The following HDAC9 variants were observed in gnomAD, a reference collection of about 807,000 sequenced individuals.
HDAC9 encodes histone deacetylase 9, also known as MEF-2 interacting transcription repressor (MITR) protein.
Under a neutral mutation model 139.4 loss-of-function variants are expected in HDAC9, and 41 were observed. That is an observed-to-expected ratio of 0.29 (90% CI 0.23 to 0.38). HDAC9 has a LOEUF of 0.38. Among genes scored for constraint, HDAC9 ranks in the 10% least tolerant of loss-of-function variants. HDAC9 has a pLI of 1.00. For missense variants in HDAC9, 1,147 were observed against 1,297.0 expected, an observed-to-expected ratio of 0.88 and a Z score of 1.78; for synonymous variants, 517 against 476.2, an observed-to-expected ratio of 1.09 and a Z score of -1.12.
intron 2 of HDAC9, among the ~76,000 whole-genome samples, chr7:18,177,851 C>G (rs1789054357): frequency 6.6e-6 from 1 of 152,034 alleles, no homozygotes; most frequent in Non-Finnish European, 1.5e-5. Context: ...ATAAAGGGCA[C>G]TTTGTGAGGA....
chr7:18,367,304 C>A (rs1337499382), intron 1 of HDAC9, among the ~76,000 whole-genome samples: 1 of 152,000 alleles, frequency 6.6e-6, no homozygotes, highest in African/African-American at 2.4e-5. Context: ...TGGGACTAGT[C>A]CTTGCAAGCA....
At chr7:18,238,849 C>G (rs1794001319) in intron 2 of HDAC9, among the ~76,000 whole-genome samples, 1 of 152,212 alleles carries the variant, frequency 6.6e-6, no homozygotes, top group South Asian at 2.1e-4. Context: ...AATTAATTGT[C>G]TGTAGCTTCC....
At chr7:18,186,300 A>G (rs770624234) in intron 2 of HDAC9, among the ~76,000 whole-genome samples, 2 of 152,238 alleles carry the variant, frequency 1.3e-5, no homozygotes, top group African/African-American at 4.8e-5. Context: ...CCTTCTTTAC[A>G]GGGACGTTTT....
rs1303157850 is a variant in HDAC9, at chr7:18,745,578, C to T, written c.1910-3427C>T. 4.1e-3 allele frequency among the ~76,000 whole-genome samples: 489 copies of T among 120,650 alleles called. 2 individuals carry two copies. Among genetic ancestry groups the T allele is most frequent in the African/African-American group, 0.015 (469 of 30,952 alleles). The allele number at this position is 120,650 out of a possible 152,430, so 79.2% of individuals were successfully genotyped here. A position where few individuals can be genotyped will look rare whatever the true frequency, so the allele number is the denominator to read the frequency against. On this transcript the variant is annotated intron_variant, in intron 13 of 25. Coordinates refer to ENST00000686413, the MANE Select transcript of HDAC9 (RefSeq NM_178425.4). ...TTTTTGAGACGGAGTCTCGGTCTGT[C>T]GCCCAGGCCGGACTGCGGACTGCAG... is the stretch of plus-strand genomic sequence containing the variant.
At chr7:18,501,858 A>G (rs1798466347) in intron 2 of HDAC9, among the ~76,000 whole-genome samples, 1 of 152,190 alleles carries the variant, frequency 6.6e-6, no homozygotes, top group African/African-American at 2.4e-5. Context: ...TGTAAGTAGT[A>G]GGTATATTAG....
intron 21 of HDAC9, among the ~76,000 whole-genome samples, chr7:18,872,321 A>G (rs1798983736): frequency 6.6e-6 from 1 of 152,174 alleles, no homozygotes. Flanking sequence ...TTGTGAATTC[A>G]GAAGTGACCT....
intron 11 of HDAC9, among the ~76,000 whole-genome samples, chr7:18,656,315 A>G (rs1317306570): frequency 2.6e-5 from 4 of 152,136 alleles, no homozygotes; most frequent in African/African-American, 9.7e-5. Context: ...GTCTCCGGTC[A>G]TGGAATAATT....
rs75945044 is a variant in HDAC9, at chr7:18,448,993, A to G, written c.-41-47269A>G. 2.1e-3 allele frequency among the ~76,000 whole-genome samples: 319 copies of G among 152,268 alleles called. 4 individuals are homozygous for G. In the East Asian group the frequency reaches 0.043, roughly 21 times the overall value. On this transcript the variant is annotated intron_variant, in intron 1 of 3. Transcript: ENST00000413509. ...TGGGCCAATTAATAGGCCCTAGAGT[A>G]TTTTGTCAAAACTGAAGCCTGTGAT... is the stretch of plus-strand genomic sequence containing the variant.
chr7:18,359,615 A>AT (rs1023590577), intron 1 of HDAC9, among the ~76,000 whole-genome samples: 6 of 151,946 alleles, frequency 3.9e-5, no homozygotes, highest in African/African-American at 7.2e-5. Context: ...TGCTTTGGTG[A>AT]TTTTTTTTGT....
chr7:18,524,587 G>A (rs949957384), intron 2 of HDAC9, among the ~76,000 whole-genome samples: 3 of 152,026 alleles, frequency 2.0e-5, no homozygotes, highest in South Asian at 2.1e-4. Flanking sequence ...ATAGCATAAC[G>A]TTTAAAAACA....
chr7:18,826,027 T>C (rs944657355), intron 17 of HDAC9, among the ~76,000 whole-genome samples: 3 of 151,912 alleles, frequency 2.0e-5, no homozygotes, highest in Non-Finnish European at 4.4e-5. Context: ...TTATAAGGGA[T>C]GGTAGAAAAG....
chr7:18,683,337 T>C (rs767468936), intron 12 of HDAC9, among the ~76,000 whole-genome samples: 18 of 152,028 alleles, frequency 1.2e-4, no homozygotes, highest in Non-Finnish European at 1.9e-4. Context: ...AAAATATATA[T>C]AAAGCACAAA....
intron 1 of HDAC9, among the ~76,000 whole-genome samples, chr7:18,092,415 A>ATT (rs1782225620): frequency 1.7e-5 from 2 of 115,010 alleles, no homozygotes; most frequent in African/African-American, 6.5e-5. Context: ...TTTTTTTTAA[A>ATT]AAAAAGAACC....
intron 6 of HDAC9, among the ~76,000 whole-genome samples, chr7:18,607,202 C>G (rs1313054929): frequency 6.6e-6 from 1 of 152,120 alleles, no homozygotes; most frequent in Non-Finnish European, 1.5e-5. Flanking sequence ...GTAGTTGGAG[C>G]TAAGAGCAAG....
chr7:18,489,237 T>G (rs548687146), intron 1 of HDAC9, among the ~76,000 whole-genome samples: 5 of 152,060 alleles, frequency 3.3e-5, no homozygotes, highest in Non-Finnish European at 2.9e-5. Flanking sequence ...AGTTGATGCA[T>G]GAAACTTTTT....
intron 17 of HDAC9, among the ~76,000 whole-genome samples, chr7:18,806,807 C>A (rs892033971): frequency 2.0e-5 from 3 of 152,096 alleles, no homozygotes; most frequent in African/African-American, 7.2e-5. Flanking sequence ...ATTGAAACAA[C>A]CTTGCAACTT....
chr7:18,314,464 G>A (rs1799510715), intron 1 of HDAC9, among the ~76,000 whole-genome samples: 1 of 152,324 alleles, frequency 6.6e-6, no homozygotes. Flanking sequence ...TTTGATATGA[G>A]ATGCCTGGAA....
intron 1 of HDAC9, among the ~76,000 whole-genome samples, chr7:18,401,466 A>C (rs570272315): frequency 6.6e-6 from 1 of 152,290 alleles, no homozygotes; most frequent in East Asian, 1.9e-4. Context: ...TGCACTTTGC[A>C]TGATAAGACT....
At chr7:18,819,007 C>T (rs570311496) in intron 17 of HDAC9, among the ~76,000 whole-genome samples, 49 of 152,236 alleles carry the variant, frequency 3.2e-4, no homozygotes, top group Non-Finnish European at 5.3e-4. Context: ...TAGCCAGGTA[C>T]AGTGGCTCAT....
Sources: gnomAD v4.1 joint callset for allele counts (sites outside exome capture counted in the v4.1 genomes callset) on GRCh38, gnomAD v4.1.1 for gene constraint, MANE v1.5 for transcripts, NCBI Gene and HGNC (gene_info 2026-07-23, HGNC 2026-07-21) for gene names.